Variants in RBM20 observed in about 807,000 individuals in gnomAD.
RBM20 encodes RNA-binding protein 20.
RBM20 carries 51 observed loss-of-function variants against 110.1 expected under a neutral mutation model. The ratio of observed to expected loss-of-function variants is 0.46; its 90% CI spans 0.37 to 0.59. The LOEUF (loss-of-function observed/expected upper bound fraction) is 0.59, where lower values mean the gene tolerates loss of function less well. RBM20 is among the 20% of genes least tolerant of loss of function. The pLI is 0.00. For synonymous variants in RBM20, 589 were observed against 618.2 expected (o/e 0.95, Z 0.70); for missense variants, 1,512 against 1,574.9 (o/e 0.96, Z 0.68).
chr10:110,832,641 A>T (rs1845071879), intron 13 of RBM20, among the ~76,000 whole-genome samples: 1 of 152,182 alleles, frequency 6.6e-6, no homozygotes, highest in Non-Finnish European at 1.5e-5. Flanking sequence ...ACAGATGGTG[A>T]GTTATTGGGC....
rs771630886 is a variant in RBM20, at chr10:110,781,729, G to A, written c.1120G>A (p.Gly374Ser). The part of the protein sequence containing the change: ...FGGRLNNSKQ[G>S]FIGAGRRAKE... ...GGGTCGGCTTAACAACAGCAAACAG[G>A]GTTTTATCGGTGCTGGGCGGAGGGC... Residue 374 changes from glycine (G) to serine (S), a missense_variant, in exon 2 of 14, where the codon GGT (glycine) becomes AGT (serine). By Grantham distance (56) the Gly-to-Ser change is moderately conservative (BLOSUM62 0). This residue lies in a region of RBM20 where 1,149 missense variants were observed against 1,169.4 expected (regional missense o/e 0.98). Transcript: ENST00000369519. 2.6e-6 allele frequency: 4 copies of A among 1,551,844 alleles called. No individual in the cohort carries two copies. The highest frequency in any genetic ancestry group is 2.4e-5 in the South Asian group (2 of 84,050).
chr10:110,786,008 G>A (rs148398411), intron 5 of RBM20, among the ~76,000 whole-genome samples: 1 of 152,174 alleles, frequency 6.6e-6, no homozygotes, highest in African/African-American at 2.4e-5. Context: ...TAGTTTTGCT[G>A]TCTCTGCAAC....
intron 1 of RBM20, among the ~76,000 whole-genome samples, chr10:110,734,092 G>A (rs551057385): frequency 1.6e-4 from 25 of 152,224 alleles, no homozygotes; most frequent in Non-Finnish European, 3.2e-4. Flanking sequence ...ACTGAAGGTC[G>A]ACATTCTGTC....
rs12414814 is a variant in RBM20, at chr10:110,743,547, C to T, written c.192-37254C>T. Among the ~76,000 whole-genome samples the T allele has an allele frequency of 9.2e-3, 1,403 of 152,142 alleles. 52 individuals carry two copies. The highest frequency in any genetic ancestry group is 0.059 in the Admixed American group (907 of 15,296). On this transcript the variant is annotated intron_variant, in intron 1 of 13. Coordinates refer to ENST00000369519, the MANE Select transcript of RBM20 (RefSeq NM_001134363.3). ...TTCTGATTCAGTTTATACATACACA[C>T]ACACACACACACAACATACACAGAG...
intron 1 of RBM20, among the ~76,000 whole-genome samples, chr10:110,746,772 T>G (rs571615932): frequency 6.6e-6 from 1 of 152,290 alleles, no homozygotes; most frequent in South Asian, 2.1e-4. Flanking sequence ...CCTCCCCAAA[T>G]GGGGGACTGG....
intron 5 of RBM20, among the ~76,000 whole-genome samples, chr10:110,795,745 A>T (rs1844542622): frequency 6.6e-6 from 1 of 152,202 alleles, no homozygotes; most frequent in Non-Finnish European, 1.5e-5. Context: ...TCTCTTCCAC[A>T]TTGGGTTGGC....
intron 7 of RBM20, among the ~76,000 whole-genome samples, chr10:110,803,425 T>A (rs2146547): frequency 0.43 from 64,980 of 151,864 alleles, 14,225 homozygotes; most frequent in East Asian, 0.61. Context: ...ACAGAGCTTC[T>A]CAAGCTTCAG....
intron 1 of RBM20, among the ~76,000 whole-genome samples, chr10:110,761,676 C>T (rs958021696): frequency 6.6e-6 from 1 of 152,244 alleles, no homozygotes; most frequent in African/African-American, 2.4e-5. Context: ...CTGCCAGTTG[C>T]CTCCTCCTTA....
chr10:110,701,162 G>A (rs1025407903), intron 1 of RBM20, among the ~76,000 whole-genome samples: 2 of 152,192 alleles, frequency 1.3e-5, no homozygotes, highest in Non-Finnish European at 2.9e-5. Context: ...TGGGATACCT[G>A]TGTGAGCCGG....
At chr10:110,662,055 G>C (rs1225164667) in intron 1 of RBM20, among the ~76,000 whole-genome samples, 1 of 151,494 alleles carries the variant, frequency 6.6e-6, no homozygotes, top group African/African-American at 2.4e-5. Context: ...GAGTCTATAT[G>C]CTGTCTAATC....
intron 5 of RBM20, among the ~76,000 whole-genome samples, chr10:110,797,120 C>T (rs901311959): frequency 2.0e-5 from 3 of 152,140 alleles, no homozygotes; most frequent in African/African-American, 4.8e-5. Flanking sequence ...CCACAGCCCT[C>T]GTTGTTACTG....
At chr10:110,791,141 C>T (rs1051132703) in intron 5 of RBM20, among the ~76,000 whole-genome samples, 7 of 152,218 alleles carry the variant, frequency 4.6e-5, no homozygotes, top group Non-Finnish European at 1.0e-4. Flanking sequence ...TCCATAGCTA[C>T]GGAATTTGCA....
At position 110,814,498 on chromosome 10, in the gene RBM20, G is replaced by GT. The variant is rs879506869; in HGVS notation, c.2550+1562dup. Among the ~76,000 whole-genome samples the GT allele has an allele frequency of 3.7e-3, 539 of 145,460 alleles. 1 individual carries two copies. Among genetic ancestry groups the GT allele is most frequent in the Middle Eastern group, 7.0e-3 (2 of 284 alleles). ...AAAAAAGCAGTTTGGGTTTTGTTTTGTTTTTTTTTTTGAGACAGAGTCTCA... is the reference window on the plus strand; with the variant it reads ...AAAAAAGCAGTTTGGGTTTTGTTTTGTTTTTTTTTTTTGAGACAGAGTCTCA... On this transcript the variant is annotated intron_variant, in intron 9 of 13. Coordinates refer to ENST00000369519, the MANE Select transcript of RBM20 (RefSeq NM_001134363.3).
At chr10:110,764,581 G>T (rs563952160) in intron 1 of RBM20, among the ~76,000 whole-genome samples, 1 of 152,384 alleles carries the variant, frequency 6.6e-6, no homozygotes, top group African/African-American at 2.4e-5. Context: ...AGGCGGGTAT[G>T]CCGTGCTCAG....
At chr10:110,671,245 T>C (rs562266290) in intron 1 of RBM20, among the ~76,000 whole-genome samples, 1 of 152,388 alleles carries the variant, frequency 6.6e-6, no homozygotes, top group Admixed American at 6.5e-5. Context: ...GGTTCTAGTT[T>C]TTCTGTCTTA....
At chr10:110,830,938 AGGT>A in intron 12 of RBM20, 120 bp from the exon 13 acceptor site, 1 of 975,734 alleles carries the variant, frequency 1.0e-6, no homozygotes, top group Non-Finnish European at 1.5e-6. Flanking sequence ...TAACCAGCCA[AGGT>A]CAACAGCAAG....
chr10:110,767,199 G>A, intron 1 of RBM20, among the ~76,000 whole-genome samples: 1 of 134,188 alleles, frequency 7.5e-6, no homozygotes, highest in Non-Finnish European at 1.7e-5. Flanking sequence ...CGGGGCGGCT[G>A]GCCGGGCGGG....
intron 1 of RBM20, among the ~76,000 whole-genome samples, chr10:110,707,570 G>T (rs1006000594): frequency 3.9e-5 from 6 of 152,144 alleles, no homozygotes; most frequent in Non-Finnish European, 1.5e-5. Context: ...ATATTACTCA[G>T]CTATAAAAAG....
intron 1 of RBM20, among the ~76,000 whole-genome samples, chr10:110,705,003 A>G (rs987265373): frequency 2.0e-5 from 3 of 152,258 alleles, no homozygotes; most frequent in African/African-American, 7.2e-5. Flanking sequence ...TTGAAAGGGT[A>G]TACTTTTCTT....
Sources: allele counts gnomAD v4.1 joint callset (sites outside exome capture counted in the v4.1 genomes callset), GRCh38; gene constraint gnomAD v4.1.1; regional missense constraint gnomAD v4.1.1; transcripts MANE v1.5; gene names NCBI Gene and HGNC (gene_info 2026-07-23, HGNC 2026-07-21).